The following WNK3 variants were observed in gnomAD, a reference collection of about 807,000 sequenced individuals.
WNK3 encodes serine/threonine-protein kinase WNK3.
In WNK3, 18 loss-of-function variants were observed where a neutral mutation model predicts 116.7. That is an observed-to-expected ratio of 0.15 (90% CI 0.11 to 0.23). The LOEUF (loss-of-function observed/expected upper bound fraction) is 0.23. Among genes scored for constraint, WNK3 ranks in the 10% least tolerant of loss-of-function variants. The pLI, the probability that WNK3 is intolerant of heterozygous loss-of-function variation, is 1.00. For missense variants in WNK3, 993 were observed against 1,323.8 expected, an observed-to-expected ratio of 0.75 and a Z score of 3.88; for synonymous variants, 404 against 469.4, an observed-to-expected ratio of 0.86 and a Z score of 1.80.
intron 10 of WNK3, among the ~76,000 whole-genome samples, chrX:54,268,294 C>A (rs1055356717): frequency 4.5e-5 from 5 of 110,881 alleles, no homozygotes; most frequent in Non-Finnish European, 7.5e-5. Context: ...CCAGCCTGGG[C>A]AACTGAGCAA....
At chrX:54,289,197 A>C (rs2068611953) in intron 10 of WNK3, among the ~76,000 whole-genome samples, 2 of 111,330 alleles carry the variant, frequency 1.8e-5, no homozygotes, top group African/African-American at 3.3e-5. Context: ...GGACTGGATA[A>C]GAAGTCTGCA....
chrX:54,307,340 A>G (rs1363046110), intron 5 of WNK3, among the ~76,000 whole-genome samples: 2 of 111,717 alleles, frequency 1.8e-5, no homozygotes, highest in East Asian at 5.6e-4. Flanking sequence ...GATATGAAGC[A>G]GTCCTCCTTT....
intron 22 of WNK3, among the ~76,000 whole-genome samples, chrX:54,225,363 G>A (rs1490299071): frequency 9.1e-6 from 1 of 110,228 alleles, no homozygotes; most frequent in Non-Finnish European, 1.9e-5. Context: ...GCTCACGACT[G>A]TAAACCCAGC....
At chrX:54,269,020 T>C (rs1282075310) in intron 10 of WNK3, among the ~76,000 whole-genome samples, 1 of 111,373 alleles carries the variant, frequency 9.0e-6, no homozygotes, top group East Asian at 2.8e-4. Context: ...ACTTCACCAA[T>C]ATTGGGACAA....
intron 1 of WNK3, among the ~76,000 whole-genome samples, chrX:54,344,940 T>C (rs1333187079): frequency 3.3e-5 from 2 of 61,283 alleles, no homozygotes; most frequent in Non-Finnish European, 5.8e-5. Context: ...CGAGACTCCC[T>C]CTCAAAAAAA....
intron 13 of WNK3, among the ~76,000 whole-genome samples, chrX:54,252,968 G>A (rs1004123032): frequency 1.8e-5 from 2 of 109,094 alleles, no homozygotes; most frequent in Non-Finnish European, 3.8e-5. Context: ...AAAATAAGGG[G>A]GGAAGAAATA....
upstream of WNK3, among the ~76,000 whole-genome samples, chrX:54,358,246 C>A (rs1231062192): frequency 1.8e-5 from 2 of 111,425 alleles, no homozygotes; most frequent in Non-Finnish European, 3.8e-5. Flanking sequence ...AGGAGAAAGG[C>A]TTCTCCCCAT....
At chrX:54,235,605 G>A (rs192897772) in intron 20 of WNK3, among the ~76,000 whole-genome samples, 1 of 111,348 alleles carries the variant, frequency 9.0e-6, no homozygotes, top group Admixed American at 9.6e-5. Context: ...CTTTTTGCGT[G>A]CCTATTTAGT....
chrX:54,346,957 T>G (rs2069440038), intron 1 of WNK3, among the ~76,000 whole-genome samples: 1 of 111,728 alleles, frequency 9.0e-6, no homozygotes, highest in Admixed American at 9.6e-5. Context: ...TTTTCTAAAG[T>G]TTTTCAGTAA....
Position 54,293,310 on chromosome X carries a change from C to T in WNK3, c.1711G>A (p.Ala571Thr), listed in dbSNP as rs781902102. 2.0e-5 allele frequency: 24 copies of T among 1,189,122 alleles called. No individual in the cohort carries two copies. Among genetic ancestry groups the T allele is most frequent in the Non-Finnish European group, 2.6e-5 (23 of 888,067 alleles). Residue 571 changes from alanine (A) to threonine (T), a missense_variant, in exon 9 of 24, where the codon GCA becomes ACA. Around this residue, in one of 4 missense-constraint regions of WNK3, gnomAD observed 836 missense variants for 976.5 expected, o/e 0.86. Transcript: ENST00000354646. ...GAATGTATAACTGATGCAGCTCCTG[C>T]CTCAGACAAATTGTCACCTATAAAA...
intron 10 of WNK3, among the ~76,000 whole-genome samples, chrX:54,285,961 G>C (rs547576090): frequency 8.9e-6 from 1 of 111,842 alleles, no homozygotes; most frequent in Non-Finnish European, 1.9e-5. Flanking sequence ...GGATAAATAG[G>C]TATGTGATAG....
chrX:54,228,468 T>TTGTGGTTGCCTAGGGCC (rs1371536760), intron 22 of WNK3, among the ~76,000 whole-genome samples: 5 of 111,006 alleles, frequency 4.5e-5, no homozygotes, highest in African/African-American at 1.6e-4. Flanking sequence ...GAAAGCAGAT[T>TTGTGGTTGCCTAGGGCC]TGTGGTTGCC....
intron 2 of WNK3, among the ~76,000 whole-genome samples, chrX:54,330,495 T>C (rs1384797214): frequency 9.0e-6 from 1 of 111,259 alleles, no homozygotes; most frequent in African/African-American, 3.3e-5. Context: ...ACGTTAAGGC[T>C]TCAGTGAGCC....
intron 22 of WNK3, among the ~76,000 whole-genome samples, chrX:54,220,579 T>G (rs782733103): frequency 7.2e-5 from 8 of 111,070 alleles, no homozygotes; most frequent in Non-Finnish European, 1.5e-4. Flanking sequence ...ATCTTTATTT[T>G]TTTACATTAT....
intron 5 of WNK3, among the ~76,000 whole-genome samples, chrX:54,302,930 ATTTTTTTTTT>A (rs782315389): frequency 1.2e-5 from 1 of 81,708 alleles, no homozygotes; most frequent in South Asian, 6.0e-4. Context: ...AACTCGGCTA[ATTTTTTTTTT>A]TTTTTTTTTT....
At chrX:54,297,812 G>A (rs2068714183) in intron 7 of WNK3, among the ~76,000 whole-genome samples, 1 of 111,397 alleles carries the variant, frequency 9.0e-6, no homozygotes, top group African/African-American at 3.3e-5. Context: ...GATGGCTCAC[G>A]CCTGTAATCC....
intron 8 of WNK3, 35 bp downstream of exon 8, chrX:54,294,518 C>T (rs2147114139): frequency 6.6e-6 from 7 of 1,059,298 alleles, no homozygotes; most frequent in East Asian, 3.1e-5. Flanking sequence ...TATAATTGCA[C>T]ATGCGTTTGC....
intron 1 of WNK3, among the ~76,000 whole-genome samples, chrX:54,343,183 C>T (rs1450572671): frequency 1.8e-5 from 2 of 110,453 alleles, no homozygotes; most frequent in African/African-American, 6.6e-5. Context: ...ATATGTGGGG[C>T]CATCGTGGAT....
chrX:54,267,763 T>C (rs2068331197), intron 10 of WNK3, among the ~76,000 whole-genome samples: 1 of 109,891 alleles, frequency 9.1e-6, no homozygotes. Context: ...ACCACTGCAC[T>C]CCAGCTTGGG....
Sources: gnomAD v4.1 joint callset for allele counts (sites outside exome capture counted in the v4.1 genomes callset) on GRCh38, gnomAD v4.1.1 for gene constraint, gnomAD v4.1.1 regional missense constraint, MANE v1.5 for transcripts, NCBI Gene and HGNC (gene_info 2026-07-23, HGNC 2026-07-21) for gene names.